The following CLCN3 variants were observed in gnomAD, a reference collection of about 807,000 sequenced individuals.
CLCN3 encodes the protein Cl-/H+ antiporter 3.
A neutral mutation model predicts 83.4 loss-of-function variants in CLCN3; 16 were observed. The observed-to-expected ratio is 0.19, with a 90% CI of 0.13 to 0.29. CLCN3 has a LOEUF of 0.29. CLCN3 is among the 10% of genes least tolerant of loss of function. The pLI is 1.00. For missense variants in CLCN3, 544 were observed against 1,006.0 expected, an observed-to-expected ratio of 0.54 and a Z score of 6.21; for synonymous variants, 322 against 346.2, an observed-to-expected ratio of 0.93 and a Z score of 0.78.
chr4:169,627,184 G>A (rs1037443508), intron 1 of CLCN3, among the ~76,000 whole-genome samples: 1 of 152,156 alleles, frequency 6.6e-6, no homozygotes, highest in Non-Finnish European at 1.5e-5. Context: ...TGCCTCTGTA[G>A]CTACTCTCTG....
intron 2 of CLCN3, among the ~76,000 whole-genome samples, chr4:169,658,232 A>T (rs11727266): frequency 0.093 from 13,768 of 148,058 alleles, 657 homozygotes; most frequent in African/African-American, 0.12. Flanking sequence ...AAATATAATT[A>T]TATAGATATA....
chr4:169,697,052 A>G (rs1288433163), intron 8 of CLCN3, 137 bp from the exon 9 acceptor site: 3 of 584,064 alleles, frequency 5.1e-6, no homozygotes, highest in Non-Finnish European at 8.7e-6. Flanking sequence ...TTTTCTTATT[A>G]CAGTAAAATC....
intron 1 of CLCN3, 105 bp from the exon 2 acceptor site, chr4:169,635,801 TACGCTTA>T (rs1312720350): frequency 1.4e-6 from 1 of 725,062 alleles, no homozygotes; most frequent in Non-Finnish European, 2.1e-6. Flanking sequence ...TTACAGTGAA[TACGCTTA>T]ATTTTTTTTA....
In CLCN3 at chr4:169,695,604, C is replaced by T; in HGVS notation, c.937-8C>T. On this transcript the variant is annotated splice_region_variant and splice_polypyrimidine_tract_variant and intron_variant, in intron 7 of 12. Transcript: ENST00000513761. ...GAAATTATGAAATAAGCCATATCCTCTTTCTAGGTGCTATCAGCTGCCTCA... is the reference window on the plus strand; with the variant it reads ...GAAATTATGAAATAAGCCATATCCTTTTTCTAGGTGCTATCAGCTGCCTCA... 4 of 1,601,232 alleles carry T rather than the reference C, an allele frequency of 2.5e-6. No individual in the cohort carries two copies. In the South Asian group the frequency reaches 3.3e-5, roughly 13 times the overall value.
intron 7 of CLCN3, 70 bp downstream of exon 7, chr4:169,692,390 T>C: frequency 1.5e-6 from 1 of 678,338 alleles, no homozygotes; most frequent in Non-Finnish European, 2.2e-6. Context: ...GTAAAGAATT[T>C]CTTAGTGTAA....
chr4:169,692,120 A>T lies in CLCN3; in HGVS notation c.736A>T (p.Thr246Ser). 2 of 1,582,688 alleles carry T rather than the reference A, an allele frequency of 1.3e-6. No individual in the cohort carries two copies. The highest frequency in any genetic ancestry group is 8.7e-7 in the Non-Finnish European group (1 of 1,152,986). Residue 246 changes from threonine to serine, a missense_variant, in exon 7 of 13, where the codon ACT becomes TCT. Transcript: ENST00000513761. ...CTTAATCTTTGCCTTGTAGATTAAA[A>T]CTATTTTAAGTGGATTCATCATCAG... ...ACGSGIPEIK[T>S]ILSGFIIRGY... is the part of the protein sequence containing the mutation.
At chr4:169,656,941 T>C (rs1447787079) in intron 2 of CLCN3, among the ~76,000 whole-genome samples, 1 of 152,102 alleles carries the variant, frequency 6.6e-6, no homozygotes, top group East Asian at 1.9e-4. Context: ...ACCCTGTCTC[T>C]AAAATAATAA....
intron 7 of CLCN3, among the ~76,000 whole-genome samples, chr4:169,694,064 A>T (rs1044445236): frequency 2.6e-5 from 4 of 152,200 alleles, no homozygotes; most frequent in African/African-American, 9.6e-5. Context: ...GGATCAGGAC[A>T]TTCAAATAAA....
chr4:169,700,072 G>GT (rs1300444951), intron 9 of CLCN3, among the ~76,000 whole-genome samples: 2 of 152,104 alleles, frequency 1.3e-5, no homozygotes, highest in African/African-American at 4.8e-5. Flanking sequence ...GCAGGCCTTT[G>GT]TTAAGTCCCA....
At chr4:169,626,963 A>T (rs927452367) in intron 1 of CLCN3, among the ~76,000 whole-genome samples, 3 of 152,212 alleles carry the variant, frequency 2.0e-5, no homozygotes, top group African/African-American at 7.2e-5. Context: ...TCAGACGTCT[A>T]GTCTCATCTC....
At chr4:169,714,481 C>T (rs1733350038) in intron 12 of CLCN3, among the ~76,000 whole-genome samples, 1 of 152,022 alleles carries the variant, frequency 6.6e-6, no homozygotes, top group Non-Finnish European at 1.5e-5. Flanking sequence ...GTAATTAAAG[C>T]TCAAGAAGCT....
intron 2 of CLCN3, among the ~76,000 whole-genome samples, chr4:169,640,099 T>C (rs1323016789): frequency 6.6e-6 from 1 of 152,246 alleles, no homozygotes; most frequent in Admixed American, 6.5e-5. Context: ...TATAGAATCC[T>C]TAGCAGTGTG....
intron 2 of CLCN3, among the ~76,000 whole-genome samples, chr4:169,663,316 TGTTGTTG>T (rs766295093): frequency 0.21 from 13,601 of 65,302 alleles, 657 homozygotes; most frequent in South Asian, 0.28. Flanking sequence ...TGGGTTTTTT[TGTTGTTG>T]TTGTTGTTGT....
chr4:169,622,152 A>C (rs1247453520), intron 1 of CLCN3, among the ~76,000 whole-genome samples: 1 of 152,194 alleles, frequency 6.6e-6, no homozygotes, highest in African/African-American at 2.4e-5. Flanking sequence ...ATGATGAGTC[A>C]CATTATTTTA....
intron 7 of CLCN3, 40 bp from the exon 8 acceptor site, chr4:169,695,572 T>A: frequency 2.8e-6 from 4 of 1,418,266 alleles, no homozygotes; most frequent in Non-Finnish European, 3.0e-6. Context: ...TATGTTTGAA[T>A]TTCTATGAAA....
chr4:169,622,293 G>T (rs1005891109), intron 1 of CLCN3, among the ~76,000 whole-genome samples: 1 of 152,186 alleles, frequency 6.6e-6, no homozygotes, highest in Non-Finnish European at 1.5e-5. Context: ...TGGTTCAGGG[G>T]AACAGATTTG....
intron 2 of CLCN3, among the ~76,000 whole-genome samples, chr4:169,654,060 G>T (rs1033897233): frequency 1.3e-5 from 2 of 152,042 alleles, no homozygotes; most frequent in African/African-American, 2.4e-5. Context: ...ACCCACTCTT[G>T]TACAGTGCCA....
At chr4:169,621,520 A>G (rs1254296662) in intron 1 of CLCN3, among the ~76,000 whole-genome samples, 1 of 152,228 alleles carries the variant, frequency 6.6e-6, no homozygotes, top group African/African-American at 2.4e-5. Flanking sequence ...CTTTGTTTGT[A>G]TGGCATTTTA....
chr4:169,685,947 C>T (rs143061773), intron 3 of CLCN3, among the ~76,000 whole-genome samples: 1 of 152,240 alleles, frequency 6.6e-6, no homozygotes, highest in Non-Finnish European at 1.5e-5. Context: ...TTAGAACTTA[C>T]CGTGTCATTT....
Sources: allele counts gnomAD v4.1 joint callset (sites outside exome capture counted in the v4.1 genomes callset), GRCh38; gene constraint gnomAD v4.1.1; transcripts MANE v1.5; gene names NCBI Gene and HGNC (gene_info 2026-07-23, HGNC 2026-07-21).